The following NAALADL2 variants were observed in gnomAD, a reference collection of about 807,000 sequenced individuals.
The protein encoded by NAALADL2 is N-acetylated alpha-linked acidic dipeptidase like 2.
Under a neutral mutation model 87.2 loss-of-function variants are expected in NAALADL2, and 76 were observed. The ratio of observed to expected loss-of-function variants is 0.87; its 90% CI spans 0.72 to 1.05. The LOEUF (loss-of-function observed/expected upper bound fraction) is 1.05, where lower values mean the gene tolerates loss of function less well. Ranked by LOEUF, NAALADL2 falls within the 50% of genes least tolerant of loss-of-function variation. The pLI is 0.00. For missense variants in NAALADL2, 1,089 were observed against 945.8 expected (o/e 1.15, Z -1.99); for synonymous variants, 354 against 331.0 (o/e 1.07, Z -0.75).
chr3:174,909,331 G>T (rs1449909317), intron 1 of NAALADL2, among the ~76,000 whole-genome samples: 3 of 152,032 alleles, frequency 2.0e-5, no homozygotes, highest in East Asian at 3.9e-4. Flanking sequence ...GGAGACAGAG[G>T]TCGCCATGAG....
chr3:175,089,854 C>T (rs764801728), intron 1 of NAALADL2, among the ~76,000 whole-genome samples: 21 of 152,150 alleles, frequency 1.4e-4, no homozygotes, highest in Non-Finnish European at 2.6e-4. Context: ...CAAGAAGACC[C>T]TGTAGACAAC....
chr3:175,242,789 C>G (rs1747173904), intron 3 of NAALADL2, among the ~76,000 whole-genome samples: 1 of 152,280 alleles, frequency 6.6e-6, no homozygotes, highest in African/African-American at 2.4e-5. Flanking sequence ...GCCTCGGACC[C>G]TGCTGCATGC....
intron 5 of NAALADL2, among the ~76,000 whole-genome samples, chr3:175,441,976 C>T (rs1332996202): frequency 6.6e-6 from 1 of 152,072 alleles, no homozygotes. Flanking sequence ...GAGTCTCGCT[C>T]TTTTGCCCAG....
intron 4 of NAALADL2, among the ~76,000 whole-genome samples, chr3:175,314,692 A>G (rs868004175): frequency 8.5e-4 from 58 of 68,308 alleles, no homozygotes; most frequent in Non-Finnish European, 1.3e-3. Flanking sequence ...ATATATATAT[A>G]TATATATATA....
At chr3:174,790,332 C>G (rs1560228159) in intron 3 of NAALADL2, among the ~76,000 whole-genome samples, 2 of 152,108 alleles carry the variant, frequency 1.3e-5, no homozygotes, top group African/African-American at 4.8e-5. Context: ...CATTACATGC[C>G]TTTTTAAAAA....
chr3:175,460,718 T>A (rs76773494), intron 6 of NAALADL2, among the ~76,000 whole-genome samples: 4,100 of 152,310 alleles, frequency 0.027, 78 homozygotes, highest in East Asian at 0.085. Context: ...AAAGAGTTGG[T>A]ACTCTGTTTG....
chr3:175,612,138 A>G (rs1470241874), intron 10 of NAALADL2, among the ~76,000 whole-genome samples: 1 of 152,200 alleles, frequency 6.6e-6, no homozygotes, highest in African/African-American at 2.4e-5. Flanking sequence ...AAATATATAC[A>G]TAATTTATCC....
intron 2 of NAALADL2, among the ~76,000 whole-genome samples, chr3:174,605,624 C>A (rs1718954063): frequency 6.6e-6 from 1 of 152,170 alleles, no homozygotes; most frequent in South Asian, 2.1e-4. Flanking sequence ...GGGGCGCCCA[C>A]CATTGCCCAG....
chr3:175,047,083 C>T (rs1754773620), intron 1 of NAALADL2, among the ~76,000 whole-genome samples: 1 of 152,232 alleles, frequency 6.6e-6, no homozygotes. Context: ...TATAAGAGCA[C>T]GAATCCCATT....
intron 2 of NAALADL2, among the ~76,000 whole-genome samples, chr3:175,109,846 C>G (rs147567604): frequency 1.3e-5 from 2 of 151,780 alleles, no homozygotes; most frequent in Non-Finnish European, 2.9e-5. Flanking sequence ...CGAACCCACT[C>G]GTAAAGAGCA....
chr3:175,793,087 C>G (rs1207113039), intron 13 of NAALADL2, among the ~76,000 whole-genome samples: 1 of 152,128 alleles, frequency 6.6e-6, no homozygotes, highest in Non-Finnish European at 1.5e-5. Context: ...TTAATTAGGA[C>G]TGTGTTACTT....
intron 1 of NAALADL2, among the ~76,000 whole-genome samples, chr3:174,539,272 C>T (rs945031409): frequency 6.6e-6 from 1 of 151,984 alleles, no homozygotes. Flanking sequence ...TTTACACACA[C>T]AGAGATGAAA....
intron 6 of NAALADL2, among the ~76,000 whole-genome samples, chr3:175,460,686 T>A (rs930246894): frequency 2.0e-5 from 3 of 152,058 alleles, no homozygotes; most frequent in African/African-American, 4.8e-5. Context: ...GAAGACAGAA[T>A]CAACAATCAG....
At chr3:174,859,332 T>A (rs1394425791), upstream of NAALADL2, 9 of 1,074,820 alleles carry the variant, frequency 8.4e-6, no homozygotes, top group African/African-American at 1.6e-5. Context: ...CAGTAGAAAG[T>A]CAGAAGGTCA....
At chr3:174,982,204 G>C (rs908685609) in intron 1 of NAALADL2, among the ~76,000 whole-genome samples, 4 of 152,122 alleles carry the variant, frequency 2.6e-5, no homozygotes, top group African/African-American at 7.2e-5. Context: ...GTTGAATCCA[G>C]AGATAAAAGC....
At chr3:175,734,325 CG>C (rs1224043062) in intron 11 of NAALADL2, among the ~76,000 whole-genome samples, 4 of 151,996 alleles carry the variant, frequency 2.6e-5, no homozygotes, top group African/African-American at 9.7e-5. Context: ...GAGGCCAAAG[CG>C]GAAGGATCAT....
At chr3:175,645,186 T>C (rs1363970253) in intron 11 of NAALADL2, among the ~76,000 whole-genome samples, 2 of 152,022 alleles carry the variant, frequency 1.3e-5, no homozygotes, top group African/African-American at 4.8e-5. Flanking sequence ...TGTCCATGAA[T>C]GTAATAATGA....
chr3:174,787,598 T>TATATATATATATATACACACAC lies in NAALADL2; in HGVS notation c.-9+49867_-9+49868insCACACACATATATATATATATA. 3.3e-5 allele frequency among the ~76,000 whole-genome samples: 2 copies of TATATATATATATATACACACAC among 60,176 alleles called. 1 individual carries two copies. The highest frequency in any genetic ancestry group is 1.2e-4 in the African/African-American group (2 of 17,262). The allele number at this position is 60,176 out of a possible 152,430, so 39.5% of individuals were successfully genotyped here. On this transcript the variant is annotated intron_variant, in intron 3 of 3. Coordinates refer to the NAALADL2 transcript ENST00000434257. ...CATCATATATATATATATATATATA[T>TATATATATATATATACACACAC]ATATATATATATATATATATATAGT...
chr3:174,898,142 AAG>A (rs1222002175), intron 1 of NAALADL2, among the ~76,000 whole-genome samples: 6 of 132,246 alleles, frequency 4.5e-5, no homozygotes, highest in African/African-American at 2.2e-4. Context: ...AAAAAAAAAA[AAG>A]AAAAAAAGAA....
Sources: allele counts gnomAD v4.1 joint callset (sites outside exome capture counted in the v4.1 genomes callset), GRCh38; gene constraint gnomAD v4.1.1; transcripts MANE v1.5; gene names NCBI Gene and HGNC (gene_info 2026-07-23, HGNC 2026-07-21).